Variants in GAL3ST2 observed in about 807,000 individuals in gnomAD.
The protein encoded by GAL3ST2 is beta-galactose-3-O-sulfotransferase 2.
GAL3ST2 carries 16 observed loss-of-function variants against 12.9 expected under a neutral mutation model. The ratio of observed to expected loss-of-function variants is 1.24; its 90% CI spans 0.84 to 1.88. The LOEUF (loss-of-function observed/expected upper bound fraction) is 1.88, where lower values mean the gene tolerates loss of function less well. Ranked by LOEUF, GAL3ST2 falls within the 40% of genes most tolerant of loss-of-function variation. GAL3ST2 has a pLI of 0.00. For missense variants in GAL3ST2, 639 were observed against 571.8 expected (o/e 1.12, Z -1.20); for synonymous variants, 302 against 273.9 (o/e 1.10, Z -1.01).
At chr2:241,785,857 TACACACACAC>T in intron 1 of GAL3ST2, among the ~76,000 whole-genome samples, 1 of 150,154 alleles carries the variant, frequency 6.7e-6, no homozygotes, top group Non-Finnish European at 1.5e-5. Flanking sequence ...GCCTTTTAAA[TACACACACAC>T]ACACACACAC....
At chr2:241,787,275 A>G (rs955789836) in intron 1 of GAL3ST2, among the ~76,000 whole-genome samples, 5 of 152,184 alleles carry the variant, frequency 3.3e-5, no homozygotes, top group African/African-American at 9.7e-5. Flanking sequence ...AGGCTGGCAA[A>G]CAAATGCGCA....
At chr2:241,796,834 G>T (rs894302353) in intron 1 of GAL3ST2, among the ~76,000 whole-genome samples, 9 of 152,278 alleles carry the variant, frequency 5.9e-5, no homozygotes, top group African/African-American at 2.2e-4. Context: ...CGTGGGGTCA[G>T]CTAGTGGCTG....
chr2:241,780,179 C>T (rs1699549491), intron 1 of GAL3ST2, among the ~76,000 whole-genome samples: 1 of 151,876 alleles, frequency 6.6e-6, no homozygotes, highest in Non-Finnish European at 1.5e-5. Context: ...AATTGAAAAA[C>T]ATTAGGCAAG....
intron 1 of GAL3ST2, among the ~76,000 whole-genome samples, chr2:241,784,190 C>T (rs755823897): frequency 3.9e-5 from 6 of 152,034 alleles, no homozygotes; most frequent in South Asian, 2.1e-4. Context: ...CTCACCACCA[C>T]GCCCGGTTAA....
chr2:241,798,033 C>T (rs1010959642), intron 1 of GAL3ST2, among the ~76,000 whole-genome samples: 4 of 152,208 alleles, frequency 2.6e-5, no homozygotes, highest in East Asian at 1.9e-4. Context: ...ACACAGCCCA[C>T]GTGGTAGCCC....
rs1412769582 is a variant in GAL3ST2, at chr2:241,803,669, C to T, written c.700C>T (p.Leu234=). ...CATCGCCGAGCACCTGGACGAGTCC[C>T]TGGTGCTGCTGCGGCGCCGGCTGCG... ...VLIAEHLDES[L]VLLRRRLRWA... Residue 234 remains leucine, a synonymous_variant, in exon 4 of 4, where the codon CTG becomes TTG. Transcript: ENST00000192314. 7.1e-6 allele frequency: 11 copies of T among 1,547,644 alleles called. No individual in the cohort carries two copies. Among genetic ancestry groups the T allele is most frequent in the Non-Finnish European group, 8.7e-6 (10 of 1,145,400 alleles).
At position 241,802,085 on chromosome 2, in the gene GAL3ST2, G is replaced by A. The variant is rs1253655920; in HGVS notation, c.375+49G>A. The A allele has an allele frequency of 1.3e-6, 2 of 1,555,866 alleles. No individual in the cohort carries two copies. The highest frequency in any genetic ancestry group is 8.7e-7 in the Non-Finnish European group (1 of 1,150,184). On this transcript the variant is annotated intron_variant, in intron 3 of 3. Coordinates refer to ENST00000192314, the MANE Select transcript of GAL3ST2 (RefSeq NM_022134.3). This position sits in a 1 kb window ranked among gnomAD's most constrained non-coding sequence, Gnocchi z 4.8. ...AGGGCGGGCTGCAGCCGTGCCTGTG[G>A]CTGTGGGTCTGGGTGGTGTAGCCTG...
chr2:241,801,356 C>CG lies in GAL3ST2; in HGVS notation c.120-425_120-424insG. On this transcript the variant is annotated intron_variant, in intron 2 of 3. Coordinates refer to ENST00000192314, the MANE Select transcript of GAL3ST2 (RefSeq NM_022134.3). This position sits in a 1 kb window ranked among gnomAD's most constrained non-coding sequence, Gnocchi z 4.4. Reference sequence around the variant, plus strand: ...ATGTGCCACATTTTCTTTACGGTCTCTATGTAACATTCACACCCGGCAGCT... The same window carrying CG: ...ATGTGCCACATTTTCTTTACGGTCTCGTATGTAACATTCACACCCGGCAGCT... The CG allele has an allele frequency of 1.1e-5, 2 of 188,394 alleles. No individual in the cohort carries two copies. Among genetic ancestry groups the CG allele is most frequent in the South Asian group, 1.3e-4 (1 of 7,472 alleles). 11.7% of individuals were successfully genotyped at this position (188,394 alleles called of 1,614,324 possible).
Position 241,803,575 on chromosome 2 carries a change from C to A in GAL3ST2, c.606C>A (p.Asn202Lys), listed in dbSNP as rs757348903. The A allele has an allele frequency of 1.9e-6, 3 of 1,593,430 alleles. No individual in the cohort carries two copies. Among genetic ancestry groups the A allele is most frequent in the Non-Finnish European group, 2.6e-6 (3 of 1,169,420 alleles). ...GGTTCGACTTCGGCTTCGACCCCAACGCGCAGTGCGAGGAGGGCTACGTGC... is the reference window on the plus strand; with the variant it reads ...GGTTCGACTTCGGCTTCGACCCCAAAGCGCAGTGCGAGGAGGGCTACGTGC... ...NMWFDFGFDP[N>K]AQCEEGYVRA... The change falls in exon 4 of 4, where the codon AAC (asparagine) becomes AAA (lysine). Residue 202 changes from asparagine to lysine, a missense_variant. Asn to Lys is a moderately conservative substitution (Grantham distance 94, BLOSUM62 0). Coordinates refer to ENST00000192314, the MANE Select transcript of GAL3ST2 (RefSeq NM_022134.3).
In GAL3ST2 at chr2:241,803,427, A is replaced by G. The variant is rs139344622; in HGVS notation, c.458A>G (p.Tyr153Cys). 5.7e-3 allele frequency: 9,167 copies of G among 1,612,480 alleles called. 43 individuals carry two copies. The highest frequency in any genetic ancestry group is 6.7e-3 in the Non-Finnish European group (7,938 of 1,179,612). The change falls in exon 4 of 4, where the codon TAC (tyrosine) becomes TGC (cysteine). Residue 153 changes from tyrosine (Y) to cysteine (C), a missense_variant. By Grantham distance (194) the Tyr-to-Cys change is radical (BLOSUM62 -2). Coordinates refer to ENST00000192314, the MANE Select transcript of GAL3ST2 (RefSeq NM_022134.3). ...TTCCAGCTGGAGTCCTCCTTCATCT[A>G]CTACAAAACCTACGCCCCCGCCTTC... ...PVFQLESSFI[Y>C]YKTYAPAFRG...
chr2:241,801,536 T>G lies in GAL3ST2; in HGVS notation c.120-245T>G. On this transcript the variant is annotated intron_variant, in intron 2 of 3. Coordinates refer to ENST00000192314, the MANE Select transcript of GAL3ST2 (RefSeq NM_022134.3). The surrounding 1 kb of genome is among the most constrained non-coding windows in gnomAD (Gnocchi z 4.4). ...ATTTTTAGTTCTCGGGGGCACAGGG[T>G]TGGGGGAGCATGGTTACGGGAGACA... 7 of 543,780 alleles carry G rather than the reference T, an allele frequency of 1.3e-5. No individual in the cohort carries two copies. Among genetic ancestry groups the G allele is most frequent in the South Asian group, 2.1e-5 (1 of 46,526 alleles). 33.7% of individuals were successfully genotyped at this position (543,780 alleles called of 1,614,324 possible).
Position 241,799,071 on chromosome 2 carries a change from C to A in GAL3ST2, c.36C>A (p.Phe12Leu), listed in dbSNP as rs1481599786. ...TGGCCTGCCCTTTCCACAGATACTTCCGGGTCATCCTCCTCCTCCTCCTGG... is the reference window on the plus strand; with the variant it reads ...TGGCCTGCCCTTTCCACAGATACTTACGGGTCATCCTCCTCCTCCTCCTGG... ...MSMLGGLQRYFRVILLLLLAL... is the reference protein window; with the variant it reads ...MSMLGGLQRYLRVILLLLLAL... Residue 12 changes from phenylalanine (F) to leucine (L), a missense_variant, in exon 2 of 4, where the codon TTC becomes TTA. Transcript: ENST00000192314. 1 of 1,613,260 alleles carries A rather than the reference C, an allele frequency of 6.2e-7. No homozygotes were observed.
intron 2 of GAL3ST2, among the ~76,000 whole-genome samples, chr2:241,799,490 G>A (rs1575367458): frequency 6.6e-6 from 1 of 152,208 alleles, no homozygotes; most frequent in East Asian, 1.9e-4. Flanking sequence ...GGCTGGATCT[G>A]GGAAGGAAAA....
chr2:241,801,499 A>C lies in GAL3ST2; in HGVS notation c.120-282A>C. On this transcript the variant is annotated intron_variant, in intron 2 of 3. Coordinates refer to ENST00000192314, the MANE Select transcript of GAL3ST2 (RefSeq NM_022134.3). This position sits in a 1 kb window ranked among gnomAD's most constrained non-coding sequence, Gnocchi z 4.4. ...GGTCCCCTTGGCCAAGATGGGGTTC[A>C]TTTAGGGTTTTATTTTTAGTTCTCG... is the stretch of plus-strand genomic sequence containing the variant. 2 of 505,826 alleles carry C rather than the reference A, an allele frequency of 4.0e-6. No individual in the cohort carries two copies. Among genetic ancestry groups the C allele is most frequent in the Non-Finnish European group, 7.0e-6 (2 of 286,040 alleles). The allele number at this position is 505,826 out of a possible 1,614,324, so 31.3% of individuals were successfully genotyped here. A position where few individuals can be genotyped will look rare whatever the true frequency, so the allele number is the denominator to read the frequency against.
chr2:241,778,360 C>T (rs752129787), intron 1 of GAL3ST2, among the ~76,000 whole-genome samples: 56 of 152,254 alleles, frequency 3.7e-4, no homozygotes, highest in African/African-American at 1.2e-3. Flanking sequence ...ACTTTGCCTG[C>T]GCTAGTGAGG....
rs529540410 is a variant in GAL3ST2 at position 241,793,635 on chromosome 2, G to C, written c.30-5430G>C. 1.3e-5 allele frequency among the ~76,000 whole-genome samples: 2 copies of C among 151,560 alleles called. No homozygotes were observed. The highest frequency in any genetic ancestry group is 3.9e-4 in the East Asian group (2 of 5,158). On this transcript the variant is annotated intron_variant, in intron 1 of 3. Transcript: ENST00000192314. The surrounding 1 kb of genome is among the most constrained non-coding windows in gnomAD (Gnocchi z 4.7). ...TATTGTGTGTGTACATATTGTGTTTGTGTGTACATATTGTGTATGCATATG... is the reference window on the plus strand; with the variant it reads ...TATTGTGTGTGTACATATTGTGTTTCTGTGTACATATTGTGTATGCATATG...
intron 1 of GAL3ST2, among the ~76,000 whole-genome samples, chr2:241,797,018 C>G (rs1699779795): frequency 6.6e-6 from 1 of 152,222 alleles, no homozygotes; most frequent in Non-Finnish European, 1.5e-5. Context: ...TTGAAACACT[C>G]TGACAGCAAT....
intron 2 of GAL3ST2, 92 bp downstream of exon 2, chr2:241,799,246 A>C (rs1699814676): frequency 2.7e-6 from 3 of 1,094,312 alleles, no homozygotes; most frequent in Non-Finnish European, 4.2e-6. Context: ...CACGCCCCCC[A>C]CTGGGCCTGT....
intron 1 of GAL3ST2, among the ~76,000 whole-genome samples, chr2:241,784,947 A>G (rs1699610837): frequency 6.6e-6 from 1 of 152,240 alleles, no homozygotes; most frequent in Admixed American, 6.5e-5. Context: ...ATGCCAAATC[A>G]AACATAAAAT....
Sources: allele counts gnomAD v4.1 joint callset (sites outside exome capture counted in the v4.1 genomes callset), GRCh38; gene constraint gnomAD v4.1.1; non-coding constraint Gnocchi (gnomAD v3.1); transcripts MANE v1.5; gene names NCBI Gene and HGNC (gene_info 2026-07-23, HGNC 2026-07-21).